Variants in DZIP1L observed in about 807,000 individuals in gnomAD.
The protein encoded by DZIP1L is DAZ interacting zinc finger protein 1 like, also known as cilium assembly protein DZIP1L.
Under a neutral mutation model 88.7 loss-of-function variants are expected in DZIP1L, and 90 were observed. The ratio of observed to expected loss-of-function variants is 1.02; its 90% CI spans 0.86 to 1.21. DZIP1L has a LOEUF of 1.21. Among genes scored for constraint, DZIP1L ranks in the 50% most tolerant of loss-of-function variants. The pLI, the probability that DZIP1L is intolerant of heterozygous loss-of-function variation, is 0.00. For missense variants in DZIP1L, 932 were observed against 955.8 expected, an observed-to-expected ratio of 0.98 and a Z score of 0.33; for synonymous variants, 363 against 372.1, an observed-to-expected ratio of 0.98 and a Z score of 0.28.
At chr3:138,077,693 C>T in intron 10 of DZIP1L, 61 bp from the exon 11 acceptor site, 1 of 1,592,750 alleles carries the variant, frequency 6.3e-7, no homozygotes, top group Non-Finnish European at 8.6e-7. Flanking sequence ...TTCCCAGAGC[C>T]CTACTGCACC....
chr3:138,111,353 G>A (rs2042616771), intron 1 of DZIP1L, among the ~76,000 whole-genome samples: 1 of 152,166 alleles, frequency 6.6e-6, no homozygotes, highest in Non-Finnish European at 1.5e-5. Context: ...TGCTTTATTT[G>A]TTGACCATCT....
At chr3:138,065,214 G>A (rs141746664) in intron 14 of DZIP1L, among the ~76,000 whole-genome samples, 1 of 152,332 alleles carries the variant, frequency 6.6e-6, no homozygotes, top group East Asian at 1.9e-4. Flanking sequence ...CAGGAGCTAA[G>A]CAGTGACAGA....
intron 11 of DZIP1L, 113 bp from the exon 12 acceptor site, chr3:138,071,948 CT>C (rs1943201309): frequency 1.4e-5 from 15 of 1,059,146 alleles, no homozygotes; most frequent in South Asian, 8.6e-5. Context: ...GTGCCTGGTG[CT>C]TTTCTTGCAG....
chr3:138,070,698 T>G, intron 12 of DZIP1L, among the ~76,000 whole-genome samples: 1 of 152,246 alleles, frequency 6.6e-6, no homozygotes. Context: ...GGCCATACTC[T>G]GCAAAATTTT....
In DZIP1L at chr3:138,101,800, A is replaced by G; in HGVS notation, c.501+1671T>C. On this transcript the variant is annotated intron_variant, in intron 2 of 15. Transcript: ENST00000327532. ...GATGTCCAGGGCCAGCTTGACATTC[A>G]TCAGCTCCTGATACTCACGCAGCTG... 5 of 1,175,570 alleles carry G rather than the reference A, an allele frequency of 4.3e-6. No homozygotes were observed. The African/African-American group carries it at 4.5e-5, about 11-fold the overall frequency. 72.8% of individuals were successfully genotyped at this position (1,175,570 alleles called of 1,614,324 possible). A position where few individuals can be genotyped will look rare whatever the true frequency, so the allele number is the denominator to read the frequency against.
chr3:138,062,566 T>G lies in DZIP1L; in HGVS notation c.*250A>C. ...GTAGAGGAAGAAAACTACCTGGAGG[T>G]TCTATTTTAACCCTTTCTCAAGCCT... On this transcript the variant is annotated 3_prime_UTR_variant, in exon 16 of 16. Transcript: ENST00000327532. The G allele has an allele frequency of 2.4e-6, 1 of 412,962 alleles. No individual in the cohort carries two copies. The allele number at this position is 412,962 out of a possible 1,614,324, so 25.6% of individuals were successfully genotyped here.
chr3:138,103,425 G>A (rs370157498), intron 2 of DZIP1L, 46 bp downstream of exon 2: 15 of 1,550,784 alleles, frequency 9.7e-6, no homozygotes, highest in Non-Finnish European at 1.2e-5. Flanking sequence ...CCAGTGGCTG[G>A]GGCACACAGC....
chr3:138,092,699 A>C (rs769172759), intron 4 of DZIP1L, among the ~76,000 whole-genome samples, 155 bp from the exon 5 acceptor site: 73 of 152,380 alleles, frequency 4.8e-4, no homozygotes, highest in Non-Finnish European at 6.8e-4. Context: ...TGGGAGGACC[A>C]GTCTAAGCCT....
At chr3:138,097,614 G>C in intron 3 of DZIP1L, 149 bp downstream of exon 3, 1 of 704,984 alleles carries the variant, frequency 1.4e-6, no homozygotes, top group South Asian at 2.0e-5. Context: ...GGCTCCCCCG[G>C]TGGTGGATGG....
chr3:138,099,231 G>C (rs1457419089), intron 2 of DZIP1L, among the ~76,000 whole-genome samples: 1 of 152,202 alleles, frequency 6.6e-6, no homozygotes, highest in East Asian at 1.9e-4. Flanking sequence ...GCAGCCAATA[G>C]GCCACATGTG....
rs143711142 is a variant in DZIP1L at position 138,068,180 on chromosome 3, G to A, written c.1803C>T (p.Ser601=). ...TCCCGGGCCCCGAGGAAGGAGGGGT[G>A]CTGGAGGGTCCATGCAGTCCGGGGC... The part of the protein sequence containing the change: ...APRPGLHGPS[S]TPPSSGPGMS... The change falls in exon 13 of 16, where the codon AGC becomes AGT. Residue 601 remains serine, a synonymous_variant. Coordinates refer to ENST00000327532, the MANE Select transcript of DZIP1L (RefSeq NM_173543.3). 243 of 1,559,780 alleles carry A rather than the reference G, an allele frequency of 1.6e-4. No individual in the cohort carries two copies. The African/African-American group carries it at 2.6e-3, about 16-fold the overall frequency.
chr3:138,087,755 A>G (rs968046357), intron 6 of DZIP1L, among the ~76,000 whole-genome samples: 9 of 152,196 alleles, frequency 5.9e-5, no homozygotes, highest in Admixed American at 1.3e-4. Context: ...GCACAACATG[A>G]TTTAACACCT....
chr3:138,110,704 C>G (rs576308009), intron 1 of DZIP1L, among the ~76,000 whole-genome samples: 1 of 152,268 alleles, frequency 6.6e-6, no homozygotes, highest in African/African-American at 2.4e-5. Context: ...GGCAACTATC[C>G]CTGCCGTTGT....
intron 2 of DZIP1L, chr3:138,102,507 TC>T: frequency 7.6e-7 from 1 of 1,323,372 alleles, no homozygotes; most frequent in Non-Finnish European, 1.1e-6. Context: ...GAACATGTTG[TC>T]CATGTTAACT....
At chr3:138,091,603 G>T (rs2107806776) in intron 5 of DZIP1L, among the ~76,000 whole-genome samples, 1 of 131,226 alleles carries the variant, frequency 7.6e-6, no homozygotes, top group Admixed American at 8.3e-5. Flanking sequence ...GGGCGACACA[G>T]CGAGACAGTG....
intron 1 of DZIP1L, among the ~76,000 whole-genome samples, chr3:138,104,638 T>G (rs1339361759): frequency 6.6e-6 from 1 of 152,218 alleles, no homozygotes; most frequent in Non-Finnish European, 1.5e-5. Flanking sequence ...CAATAACGTG[T>G]GATCATATGA....
chr3:138,114,956 TCAAGCC>T (rs1331299074), intron 1 of DZIP1L, among the ~76,000 whole-genome samples: 60 of 152,362 alleles, frequency 3.9e-4, no homozygotes, highest in African/African-American at 1.4e-3. Context: ...ACTCAGATCA[TCAAGCC>T]CTCCCAAATC....
chr3:138,105,833 C>G (rs1053203252), intron 1 of DZIP1L, among the ~76,000 whole-genome samples: 1 of 151,940 alleles, frequency 6.6e-6, no homozygotes, highest in Admixed American at 6.6e-5. Context: ...GTATGATTCA[C>G]TTATGTATAT....
At chr3:138,086,670 C>A (rs1943955452) in intron 7 of DZIP1L, among the ~76,000 whole-genome samples, 1 of 152,116 alleles carries the variant, frequency 6.6e-6, no homozygotes, top group South Asian at 2.1e-4. Context: ...AACAACCCTC[C>A]CTGGAGGGCC....
Sources: gnomAD v4.1 joint callset for allele counts (sites outside exome capture counted in the v4.1 genomes callset) on GRCh38, gnomAD v4.1.1 for gene constraint, MANE v1.5 for transcripts, NCBI Gene and HGNC (gene_info 2026-07-23, HGNC 2026-07-21) for gene names.